The following SMO variants were observed in gnomAD, a reference collection of about 807,000 sequenced individuals.
SMO encodes the protein protein smoothened.
In SMO, 40 loss-of-function variants were observed where a neutral mutation model predicts 81.6. The observed-to-expected ratio is 0.49, with a 90% CI of 0.38 to 0.64. The LOEUF (loss-of-function observed/expected upper bound fraction) is 0.64. Among genes scored for constraint, SMO ranks in the 30% least tolerant of loss-of-function variants. The pLI, the probability that SMO is intolerant of heterozygous loss-of-function variation, is 0.00. For missense variants in SMO, 916 were observed against 1,061.1 expected, an observed-to-expected ratio of 0.86 and a Z score of 1.90; for synonymous variants, 434 against 432.1, an observed-to-expected ratio of 1.00 and a Z score of -0.05.
chr7:129,192,518 G>A (rs916021879), intron 1 of SMO, among the ~76,000 whole-genome samples: 1 of 152,202 alleles, frequency 6.6e-6, no homozygotes, highest in Non-Finnish European at 1.5e-5. Flanking sequence ...AGCCATAGGA[G>A]CAGGGAAAGC....
chr7:129,199,584 A>G (rs191435582), intron 1 of SMO, among the ~76,000 whole-genome samples: 84 of 152,246 alleles, frequency 5.5e-4, no homozygotes, highest in African/African-American at 1.5e-3. Context: ...AAAAATACAA[A>G]AATTCACCAG....
At position 129,205,815 on chromosome 7, in the gene SMO, C is replaced by T. The variant is rs561642189; in HGVS notation, c.920+33C>T. 6 of 1,586,842 alleles carry T rather than the reference C, an allele frequency of 3.8e-6. No individual in the cohort carries two copies. In the East Asian group the frequency reaches 1.1e-4, roughly 30 times the overall value. On this transcript the variant is annotated intron_variant, in intron 4 of 11. Transcript: ENST00000249373. ...TCTTGGGGACCCAGAGGTGAAGGTA[C>T]AGGGAGGAAGGCTGAAGTGTGCGTT... is the stretch of plus-strand genomic sequence containing the variant.
At chr7:129,195,788 C>T (rs115936629) in intron 1 of SMO, among the ~76,000 whole-genome samples, 13 of 151,960 alleles carry the variant, frequency 8.6e-5, no homozygotes, top group Non-Finnish European at 1.2e-4. Flanking sequence ...CTTGTGACAA[C>T]GCCACAGGTA....
At chr7:129,201,210 C>T (rs551765081) in intron 1 of SMO, among the ~76,000 whole-genome samples, 1 of 147,668 alleles carries the variant, frequency 6.8e-6, no homozygotes, top group South Asian at 2.2e-4. Flanking sequence ...CCACATCCAG[C>T]TAATTTTTGT....
intron 1 of SMO, among the ~76,000 whole-genome samples, chr7:129,194,064 C>T (rs1327359554): frequency 1.3e-5 from 2 of 151,366 alleles, no homozygotes; most frequent in East Asian, 2.0e-4. Flanking sequence ...CACACCACTG[C>T]CCTCCAGACT....
Position 129,189,558 on chromosome 7 carries a change from T to G in SMO, c.331+76T>G. ...GGGGGCACCCTTGGAAAGAACAGGC[T>G]CAGGCCTGAGTTTTGGAGAGGGCGG... On this transcript the variant is annotated intron_variant, in intron 1 of 11. Coordinates refer to ENST00000249373, the MANE Select transcript of SMO (RefSeq NM_005631.5). This position sits in a 1 kb window ranked among gnomAD's most constrained non-coding sequence, Gnocchi z 4.7. 1 of 1,480,286 alleles carries G rather than the reference T, an allele frequency of 6.8e-7. No homozygotes were observed. The highest frequency in any genetic ancestry group is 9.1e-7 in the Non-Finnish European group (1 of 1,104,254). 91.7% of individuals were successfully genotyped at this position (1,480,286 alleles called of 1,614,324 possible). A position where few individuals can be genotyped will look rare whatever the true frequency, so the allele number is the denominator to read the frequency against.
Position 129,189,221 on chromosome 7 carries a change from G to C in SMO, c.70G>C (p.Gly24Arg), listed in dbSNP as rs1486912211. ...LLGLLLLLLL[G>R]DPGRGAASSG... ...GGGGCTGCTGCTGCTGCTGCTGCTGGGGGACCCGGGCCGGGGGGCGGCCTC... is the reference window on the plus strand; with the variant it reads ...GGGGCTGCTGCTGCTGCTGCTGCTGCGGGACCCGGGCCGGGGGGCGGCCTC... The change falls in exon 1 of 12, where the codon GGG becomes CGG. Residue 24 changes from glycine to arginine, a missense_variant. This residue lies in a region of SMO where 146 missense variants were observed against 149.9 expected (regional missense o/e 0.97). Transcript: ENST00000249373. This position sits in a 1 kb window ranked among gnomAD's most constrained non-coding sequence, Gnocchi z 4.7. 2 of 1,155,656 alleles carry C rather than the reference G, an allele frequency of 1.7e-6. No individual in the cohort carries two copies. Among genetic ancestry groups the C allele is most frequent in the Non-Finnish European group, 2.2e-6 (2 of 919,866 alleles). The allele number at this position is 1,155,656 out of a possible 1,614,324, so 71.6% of individuals were successfully genotyped here. A position where few individuals can be genotyped will look rare whatever the true frequency, so the allele number is the denominator to read the frequency against.
intron 4 of SMO, 124 bp downstream of exon 4, chr7:129,205,906 C>A: frequency 1.2e-6 from 1 of 821,984 alleles, no homozygotes; most frequent in South Asian, 1.7e-5. Context: ...TGCCCTACTG[C>A]ATACTGCATG....
Position 129,189,718 on chromosome 7 carries a change from T to G in SMO, c.331+236T>G, listed in dbSNP as rs1259399513. Among the ~76,000 whole-genome samples the G allele has an allele frequency of 6.6e-6, 1 of 151,914 alleles. No individual in the cohort carries two copies. Among genetic ancestry groups the G allele is most frequent in the Non-Finnish European group, 1.5e-5 (1 of 67,948 alleles). ...GCGGGTCACAAAGGGCCTGAGCTGGTGGGTGAGCAAAGGATGGCGGGGATG... is the reference window on the plus strand; with the variant it reads ...GCGGGTCACAAAGGGCCTGAGCTGGGGGGTGAGCAAAGGATGGCGGGGATG... On this transcript the variant is annotated intron_variant, in intron 1 of 11. Transcript: ENST00000249373. This position sits in a 1 kb window ranked among gnomAD's most constrained non-coding sequence, Gnocchi z 4.7.
chr7:129,197,584 C>T (rs1185372704), intron 1 of SMO, among the ~76,000 whole-genome samples: 7 of 152,072 alleles, frequency 4.6e-5, no homozygotes, highest in South Asian at 4.2e-4. Context: ...CATGCCACCA[C>T]GCCCGGCTAA....
At chr7:129,193,912 C>G (rs1438673865) in intron 1 of SMO, among the ~76,000 whole-genome samples, 1 of 143,642 alleles carries the variant, frequency 7.0e-6, no homozygotes, top group African/African-American at 2.6e-5. Context: ...CGAGACCAGC[C>G]TGGGCAACAA....
At chr7:129,197,011 C>A (rs1331160160) in intron 1 of SMO, among the ~76,000 whole-genome samples, 36 of 88,638 alleles carry the variant, frequency 4.1e-4, no homozygotes, top group African/African-American at 1.4e-3. Flanking sequence ...AGTGAGACAC[C>A]GTCTCAAAAA....
intron 1 of SMO, among the ~76,000 whole-genome samples, chr7:129,191,620 G>A (rs986382107): frequency 6.6e-6 from 1 of 152,170 alleles, no homozygotes; most frequent in Non-Finnish European, 1.5e-5. Flanking sequence ...TCACAGCCAG[G>A]TCAGCTGGTA....
intron 2 of SMO, among the ~76,000 whole-genome samples, chr7:129,204,625 G>T (rs981928140): frequency 6.6e-6 from 1 of 152,100 alleles, no homozygotes; most frequent in Non-Finnish European, 1.5e-5. Context: ...CAGCCTGGGC[G>T]ACAGAGCCAG....
rs1006821603 is a variant in SMO at position 129,212,571 on chromosome 7, C to T, written c.*120C>T. On this transcript the variant is annotated 3_prime_UTR_variant, in exon 12 of 12. Coordinates refer to ENST00000249373, the MANE Select transcript of SMO (RefSeq NM_005631.5). This position sits in a 1 kb window ranked among gnomAD's most constrained non-coding sequence, Gnocchi z 5.0. The stretch of plus-strand genomic sequence containing the variant: ...CCAGAGAACCTGTGGGCTGACTGCC[C>T]TCCGAAGAGAGTTCTGGATGTCTGG... 1.3e-5 allele frequency: 12 copies of T among 938,846 alleles called. No homozygotes were observed. The African/African-American group carries it at 1.3e-4, about 10-fold the overall frequency. 58.2% of individuals were successfully genotyped at this position (938,846 alleles called of 1,614,324 possible).
intron 1 of SMO, among the ~76,000 whole-genome samples, chr7:129,197,664 G>A (rs1384464233): frequency 2.0e-5 from 3 of 151,906 alleles, no homozygotes; most frequent in Admixed American, 6.6e-5. Flanking sequence ...CGTGTGATCC[G>A]CCCGCCTCAG....
intron 1 of SMO, among the ~76,000 whole-genome samples, chr7:129,194,634 A>G (rs1484050324): frequency 6.6e-6 from 1 of 152,026 alleles, no homozygotes; most frequent in Admixed American, 6.6e-5. Context: ...TAAGCAGTAT[A>G]TTTCAGCTTT....
Position 129,206,163 on chromosome 7 carries a change from C to T in SMO, c.934C>T (p.Leu312=), listed in dbSNP as rs2150649832. Reference sequence around the variant, plus strand: ...CTCTCTGCACAGCTCCAATGAGACTCTGTCCTGCGTCATCATCTTTGTCAT... The same window carrying T: ...CTCTCTGCACAGCTCCAATGAGACTTTGTCCTGCGTCATCATCTTTGTCAT... The part of the protein sequence containing the change: ...RLGEPTSNET[L]SCVIIFVIVY... The change falls in exon 5 of 12, where the codon CTG becomes TTG. Residue 312 remains leucine, a synonymous_variant. Coordinates refer to ENST00000249373, the MANE Select transcript of SMO (RefSeq NM_005631.5). This position sits in a 1 kb window ranked among gnomAD's most constrained non-coding sequence, Gnocchi z 4.4. 6.2e-7 allele frequency: 1 copy of T among 1,604,908 alleles called. No individual in the cohort carries two copies.
chr7:129,195,789 G>A (rs751633910), intron 1 of SMO, among the ~76,000 whole-genome samples: 1 of 151,822 alleles, frequency 6.6e-6, no homozygotes. Flanking sequence ...TTGTGACAAC[G>A]CCACAGGTAC....
Sources: gnomAD v4.1 joint callset for allele counts (sites outside exome capture counted in the v4.1 genomes callset) on GRCh38, gnomAD v4.1.1 for gene constraint, gnomAD v4.1.1 regional missense constraint, Gnocchi (gnomAD v3.1) non-coding constraint, MANE v1.5 for transcripts, NCBI Gene and HGNC (gene_info 2026-07-23, HGNC 2026-07-21) for gene names.